The following ANO6 variants were observed in gnomAD, a reference collection of about 807,000 sequenced individuals.
ANO6 encodes anoctamin 6, also known as anoctamin-6.
ANO6 carries 106 observed loss-of-function variants against 117.5 expected under a neutral mutation model. The ratio of observed to expected loss-of-function variants is 0.90; its 90% CI spans 0.77 to 1.06. ANO6 has a LOEUF of 1.06. ANO6 is among the 50% of genes least tolerant of loss of function. The probability of loss-of-function intolerance (pLI) is 0.00; values close to 1 mark genes in which losing one functional copy is unlikely to be tolerated. For missense variants in ANO6, 955 were observed against 1,121.1 expected, an observed-to-expected ratio of 0.85 and a Z score of 2.12; for synonymous variants, 367 against 385.1, an observed-to-expected ratio of 0.95 and a Z score of 0.55.
At chr12:45,356,757 G>A (rs1941421393) in intron 7 of ANO6, among the ~76,000 whole-genome samples, 1 of 151,918 alleles carries the variant, frequency 6.6e-6, no homozygotes, top group African/African-American at 2.4e-5. Context: ...GGAGAGGCAG[G>A]CACACTAGGT....
intron 1 of ANO6, among the ~76,000 whole-genome samples, chr12:45,253,049 C>T (rs1937681028): frequency 6.6e-6 from 1 of 152,152 alleles, no homozygotes; most frequent in South Asian, 2.1e-4. Flanking sequence ...ACTGGTATAA[C>T]ATTGTTTTAT....
At chr12:45,374,024 ACCG>A (rs1941928707) in intron 9 of ANO6, among the ~76,000 whole-genome samples, 9 of 152,214 alleles carry the variant, frequency 5.9e-5, no homozygotes, top group African/African-American at 2.2e-4. Context: ...AGGGGATATC[ACCG>A]CCGATCCCAC....
rs577578774 is a variant in ANO6, at chr12:45,370,270, G to T, written c.1104+2477G>T. 2.3e-4 allele frequency among the ~76,000 whole-genome samples: 35 copies of T among 152,302 alleles called. No homozygotes were observed. The South Asian group carries it at 7.3e-3, about 32-fold the overall frequency. On this transcript the variant is annotated intron_variant, in intron 9 of 19. Transcript: ENST00000320560. ...ATCTTATTCTTTCTCAAGCGTCCAG[G>T]ATTCTCACACATGTGGCAAGAATAC...
intron 1 of ANO6, among the ~76,000 whole-genome samples, chr12:45,220,726 T>C (rs1448092827): frequency 2.6e-5 from 4 of 152,206 alleles, no homozygotes; most frequent in Non-Finnish European, 2.9e-5. Context: ...TGTATGCTAA[T>C]AAGTTGACAG....
At chr12:45,354,614 A>G (rs557696172) in intron 7 of ANO6, among the ~76,000 whole-genome samples, 1 of 152,282 alleles carries the variant, frequency 6.6e-6, no homozygotes, top group African/African-American at 2.4e-5. Context: ...CTGAAAGACA[A>G]TCTCATGTGT....
intron 12 of ANO6, among the ~76,000 whole-genome samples, chr12:45,395,641 A>C (rs1473696219): frequency 4.6e-5 from 7 of 152,256 alleles, no homozygotes; most frequent in African/African-American, 1.2e-4. Context: ...AGCTTATCCA[A>C]CACGATCAAG....
chr12:45,262,720 G>A (rs1433308884), intron 1 of ANO6, among the ~76,000 whole-genome samples: 2 of 152,128 alleles, frequency 1.3e-5, no homozygotes, highest in African/African-American at 2.4e-5. Flanking sequence ...CACTGCGCCC[G>A]GCTTTCCAGA....
intron 3 of ANO6, chr12:45,335,588 A>T (rs1011058488): frequency 1.3e-5 from 2 of 152,048 alleles, no homozygotes; most frequent in African/African-American, 4.8e-5. Context: ...AGAAATGCTT[A>T]GTGGATCATT....
At chr12:45,249,101 A>G (rs1251903239) in intron 1 of ANO6, among the ~76,000 whole-genome samples, 1 of 152,210 alleles carries the variant, frequency 6.6e-6, no homozygotes, top group Non-Finnish European at 1.5e-5. Context: ...AGGATGAAAT[A>G]ACACAAATGT....
intron 3 of ANO6, among the ~76,000 whole-genome samples, chr12:45,346,270 G>A (rs1439115683): frequency 6.6e-6 from 1 of 152,134 alleles, no homozygotes. Context: ...GTCATGAAAA[G>A]CATTCTTTTT....
chr12:45,382,324 T>G (rs1942189496), intron 10 of ANO6, among the ~76,000 whole-genome samples: 1 of 152,216 alleles, frequency 6.6e-6, no homozygotes, highest in African/African-American at 2.4e-5. Context: ...CAGCCTAATT[T>G]TAACAGGCTT....
chr12:45,244,325 G>A (rs764655048), intron 1 of ANO6, among the ~76,000 whole-genome samples: 13 of 146,646 alleles, frequency 8.9e-5, no homozygotes, highest in Admixed American at 4.1e-4. Context: ...TTGAGAAACC[G>A]AACAGGTAGA....
At chr12:45,420,057 A>G (rs1480663873) in intron 17 of ANO6, among the ~76,000 whole-genome samples, 2 of 151,810 alleles carry the variant, frequency 1.3e-5, no homozygotes, top group Non-Finnish European at 1.5e-5. Context: ...ATATAATTCT[A>G]CTACCCAAAT....
At chr12:45,390,027 G>A (rs1293855827) in intron 11 of ANO6, among the ~76,000 whole-genome samples, 1 of 152,116 alleles carries the variant, frequency 6.6e-6, no homozygotes, top group Non-Finnish European at 1.5e-5. Context: ...AACACATAGT[G>A]GATACCTAGT....
chr12:45,318,242 T>A (rs1181403283), intron 2 of ANO6, among the ~76,000 whole-genome samples: 1 of 152,122 alleles, frequency 6.6e-6, no homozygotes, highest in Non-Finnish European at 1.5e-5. Context: ...TCTTCTAGGG[T>A]TTTTATGGTT....
chr12:45,385,261 A>G (rs970906614), intron 10 of ANO6, among the ~76,000 whole-genome samples: 3 of 150,106 alleles, frequency 2.0e-5, no homozygotes, highest in African/African-American at 5.0e-5. Flanking sequence ...AGGGCAGAAG[A>G]AGGGTTGACA....
Position 45,357,326 on chromosome 12 carries a change from T to C in ANO6, c.900T>C (p.Ala300=), listed in dbSNP as rs1218309149. The C allele has an allele frequency of 6.2e-7, 1 of 1,614,042 alleles. No individual in the cohort carries two copies. The highest frequency in any genetic ancestry group is 1.7e-5 in the Admixed American group (1 of 60,028). ...GAGAGAAGATTGGAATCTACTTTGC[T>C]TGGCTGGGCTATTACACTCAGATGC... The part of the protein sequence containing the change: ...YYGEKIGIYF[A]WLGYYTQMLL... The change falls in exon 8 of 20, where the codon GCT becomes GCC. Residue 300 remains alanine, a synonymous_variant. Coordinates refer to ENST00000320560, the MANE Select transcript of ANO6 (RefSeq NM_001025356.3).
rs576176816 is a variant in ANO6, at chr12:45,274,715, C to T, written c.71-27299C>T. 2.6e-5 allele frequency among the ~76,000 whole-genome samples: 4 copies of T among 151,548 alleles called. No homozygotes were observed. The East Asian group carries it at 7.8e-4, about 29-fold the overall frequency. ...GCCTCTGCTACCTCTCCATCCTCTT[C>T]TCTTCCTGCTCTGCGTGTCTCTTAA... On this transcript the variant is annotated intron_variant, in intron 1 of 19. Transcript: ENST00000320560.
At chr12:45,348,446 C>T (rs1480734728) in intron 5 of ANO6, 72 bp from the exon 6 acceptor site, 14 of 1,532,246 alleles carry the variant, frequency 9.1e-6, no homozygotes, top group East Asian at 2.3e-5. Context: ...ATTTGTGTTA[C>T]AGTAGTAAAC....
Sources: allele counts gnomAD v4.1 joint callset (sites outside exome capture counted in the v4.1 genomes callset), GRCh38; gene constraint gnomAD v4.1.1; transcripts MANE v1.5; gene names NCBI Gene and HGNC (gene_info 2026-07-23, HGNC 2026-07-21).